The following MDGA2 variants were observed in gnomAD, a reference collection of about 807,000 sequenced individuals.
MDGA2 encodes MAM domain-containing glycosylphosphatidylinositol anchor protein 2.
Under a neutral mutation model 117.8 loss-of-function variants are expected in MDGA2, and 40 were observed. The observed-to-expected ratio is 0.34, with a 90% CI of 0.26 to 0.44. The LOEUF (loss-of-function observed/expected upper bound fraction) is 0.44, where lower values mean the gene tolerates loss of function less well. Among genes scored for constraint, MDGA2 ranks in the 20% least tolerant of loss-of-function variants. The pLI is 1.00. For synonymous variants in MDGA2, 452 were observed against 439.0 expected, an observed-to-expected ratio of 1.03 and a Z score of -0.37; for missense variants, 1,123 against 1,250.6, an observed-to-expected ratio of 0.90 and a Z score of 1.54.
intron 1 of MDGA2, among the ~76,000 whole-genome samples, chr14:47,608,202 T>C (rs555957680): frequency 1.3e-5 from 2 of 152,224 alleles, no homozygotes; most frequent in African/African-American, 4.8e-5. Context: ...TCATTTCTCA[T>C]AGACACTGGC....
chr14:47,198,516 G>A (rs1413116176), intron 3 of MDGA2, among the ~76,000 whole-genome samples: 1 of 152,166 alleles, frequency 6.6e-6, no homozygotes, highest in African/African-American at 2.4e-5. Flanking sequence ...AGTTTGCAGT[G>A]AGCGGGGATT....
intron 5 of MDGA2, among the ~76,000 whole-genome samples, chr14:47,130,677 A>C (rs1323411958): frequency 4.6e-5 from 7 of 152,144 alleles, no homozygotes. Context: ...CACATGCTTT[A>C]TACGTATCCA....
intron 1 of MDGA2, among the ~76,000 whole-genome samples, chr14:47,375,515 C>A (rs2138403165): frequency 6.6e-6 from 1 of 152,146 alleles, no homozygotes; most frequent in Non-Finnish European, 1.5e-5. Context: ...TTCCCTAAAT[C>A]TGCCATTTTC....
At chr14:47,167,710 T>G (rs1397083446) in intron 3 of MDGA2, among the ~76,000 whole-genome samples, 1 of 152,158 alleles carries the variant, frequency 6.6e-6, no homozygotes, top group African/African-American at 2.4e-5. Flanking sequence ...TCGGAAATAT[T>G]CAGGAAGGTC....
At chr14:46,871,552 C>T (rs1881998809) in intron 14 of MDGA2, 1 of 152,046 alleles carries the variant, frequency 6.6e-6, no homozygotes. Context: ...TATCCTAGCC[C>T]ATGATGAGTA....
At chr14:47,144,397 A>G in intron 3 of MDGA2, 123 bp from the exon 4 acceptor site, 1 of 609,328 alleles carries the variant, frequency 1.6e-6, no homozygotes, top group Non-Finnish European at 2.7e-6. Context: ...ACCACTAGGT[A>G]CTCTTTTTTT....
chr14:47,069,825 A>T (rs17563930), intron 6 of MDGA2, among the ~76,000 whole-genome samples: 29,691 of 152,182 alleles, frequency 0.2, 2,969 homozygotes, highest in Admixed American at 0.29. Flanking sequence ...TTAACACTAC[A>T]GACCAAATAA....
At chr14:47,031,264 G>C (rs1410186116) in intron 8 of MDGA2, among the ~76,000 whole-genome samples, 2 of 150,966 alleles carry the variant, frequency 1.3e-5, no homozygotes, top group East Asian at 3.9e-4. Flanking sequence ...TTTAGGGATG[G>C]ACGCCCTACA....
chr14:47,130,277 T>A (rs1882136500), intron 5 of MDGA2, among the ~76,000 whole-genome samples: 1 of 152,104 alleles, frequency 6.6e-6, no homozygotes, highest in South Asian at 2.1e-4. Flanking sequence ...GTATAAGGTG[T>A]AAGGAAGGGA....
intron 6 of MDGA2, among the ~76,000 whole-genome samples, chr14:47,066,089 A>G (rs1456607867): frequency 6.6e-6 from 1 of 152,230 alleles, no homozygotes; most frequent in African/African-American, 2.4e-5. Context: ...AATAGGTTAC[A>G]TCAGCAAAGC....
intron 1 of MDGA2, among the ~76,000 whole-genome samples, chr14:47,501,462 A>C (rs1239039163): frequency 6.6e-6 from 1 of 152,204 alleles, no homozygotes; most frequent in Non-Finnish European, 1.5e-5. Context: ...TTTGTAAATA[A>C]TGGTGTTAGA....
chr14:47,294,220 C>T (rs112542542), intron 2 of MDGA2, among the ~76,000 whole-genome samples: 4,210 of 151,286 alleles, frequency 0.028, 196 homozygotes, highest in African/African-American at 0.095. Context: ...CTCAGCATCC[C>T]GACTAGCTGG....
At chr14:47,587,322 A>T (rs963387172) in intron 1 of MDGA2, among the ~76,000 whole-genome samples, 20 of 151,838 alleles carry the variant, frequency 1.3e-4, no homozygotes, top group African/African-American at 4.8e-4. Flanking sequence ...AACCTGAGAT[A>T]TTTTTGGAAT....
At chr14:47,417,317 T>C (rs1200761307) in intron 1 of MDGA2, among the ~76,000 whole-genome samples, 2 of 152,210 alleles carry the variant, frequency 1.3e-5, no homozygotes, top group Non-Finnish European at 2.9e-5. Flanking sequence ...TCACAAATTC[T>C]ACCTTCCATA....
chr14:47,506,531 G>C (rs1221466663), intron 1 of MDGA2, among the ~76,000 whole-genome samples: 1 of 152,110 alleles, frequency 6.6e-6, no homozygotes, highest in Non-Finnish European at 1.5e-5. Context: ...CACTTGACTA[G>C]GCTTCACTAT....
intron 8 of MDGA2, among the ~76,000 whole-genome samples, chr14:46,964,819 T>C (rs1222306334): frequency 2.0e-5 from 3 of 152,116 alleles, no homozygotes; most frequent in African/African-American, 7.2e-5. Flanking sequence ...TGTAGCTATT[T>C]TTTTTCTTCT....
intron 1 of MDGA2, among the ~76,000 whole-genome samples, chr14:47,473,608 G>C (rs1893774841): frequency 3.9e-5 from 6 of 152,000 alleles, no homozygotes; most frequent in Admixed American, 3.3e-4. Context: ...AAAATAAAGA[G>C]TGAAAAGATT....
chr14:47,609,103 T>C (rs999696611), intron 1 of MDGA2, among the ~76,000 whole-genome samples: 1 of 151,692 alleles, frequency 6.6e-6, no homozygotes, highest in Non-Finnish European at 1.5e-5. Context: ...CAGGTGGTAT[T>C]TGGTTACATG....
intron 9 of MDGA2, among the ~76,000 whole-genome samples, chr14:46,950,002 A>G (rs1412589725): frequency 6.6e-6 from 1 of 151,926 alleles, no homozygotes; most frequent in Non-Finnish European, 1.5e-5. Context: ...CAAATAATTT[A>G]AGGAGCCATC....
Sources: allele counts gnomAD v4.1 joint callset (sites outside exome capture counted in the v4.1 genomes callset), GRCh38; gene constraint gnomAD v4.1.1; transcripts MANE v1.5; gene names NCBI Gene and HGNC (gene_info 2026-07-23, HGNC 2026-07-21).